Variants in UNC5D observed in about 807,000 individuals in gnomAD.
The protein encoded by UNC5D is netrin receptor UNC5D.
UNC5D carries 39 observed loss-of-function variants against 105.4 expected under a neutral mutation model. The ratio of observed to expected loss-of-function variants is 0.37; its 90% CI spans 0.29 to 0.48. The LOEUF is 0.48. Among genes scored for constraint, UNC5D ranks in the 20% least tolerant of loss-of-function variants. UNC5D has a pLI of 0.98. For missense variants in UNC5D, 991 were observed against 1,202.4 expected (o/e 0.82, Z 2.60); for synonymous variants, 452 against 450.4 (o/e 1.00, Z -0.04).
chr8:35,513,359 G>A (rs1011778960), intron 1 of UNC5D, among the ~76,000 whole-genome samples: 62 of 151,718 alleles, frequency 4.1e-4, no homozygotes, highest in African/African-American at 1.4e-3. Flanking sequence ...ATCCCAAGTA[G>A]CTGGGATTAC....
intron 1 of UNC5D, among the ~76,000 whole-genome samples, chr8:35,455,810 G>A (rs1484374699): frequency 6.6e-6 from 1 of 151,966 alleles, no homozygotes; most frequent in Non-Finnish European, 1.5e-5. Context: ...AGTGAAAGGC[G>A]ACCATCAGAT....
intron 1 of UNC5D, among the ~76,000 whole-genome samples, chr8:35,396,028 C>T (rs1804075702): frequency 6.6e-6 from 1 of 152,108 alleles, no homozygotes; most frequent in African/African-American, 2.4e-5. Flanking sequence ...CATGGGAATA[C>T]CAATTTGTAG....
chr8:35,317,409 T>C (rs938509993), intron 1 of UNC5D, among the ~76,000 whole-genome samples: 11 of 152,158 alleles, frequency 7.2e-5, no homozygotes, highest in Non-Finnish European at 1.5e-4. Context: ...CTGGCCACAA[T>C]GGCTATTACG....
At chr8:35,269,399 A>G (rs1805114899) in intron 1 of UNC5D, among the ~76,000 whole-genome samples, 1 of 151,982 alleles carries the variant, frequency 6.6e-6, no homozygotes, top group Non-Finnish European at 1.5e-5. Flanking sequence ...TTGCTTACTC[A>G]TTCTTTGAGA....
intron 14 of UNC5D, among the ~76,000 whole-genome samples, chr8:35,764,356 C>T (rs1038541972): frequency 2.0e-5 from 3 of 152,006 alleles, no homozygotes; most frequent in Admixed American, 6.6e-5. Context: ...AGTTGGGGCA[C>T]GTGTGAGCAG....
intron 1 of UNC5D, among the ~76,000 whole-genome samples, chr8:35,433,092 G>T (rs994758442): frequency 6.6e-6 from 1 of 152,112 alleles, no homozygotes; most frequent in Non-Finnish European, 1.5e-5. Flanking sequence ...TCTGATGTTC[G>T]ATGTGAAAGC....
chr8:35,752,953 C>T (rs1303510709), intron 13 of UNC5D, among the ~76,000 whole-genome samples: 2 of 152,130 alleles, frequency 1.3e-5, no homozygotes, highest in Admixed American at 6.5e-5. Flanking sequence ...GAAGTCAGCC[C>T]TCATAACCAG....
intron 1 of UNC5D, among the ~76,000 whole-genome samples, chr8:35,545,523 A>G (rs1815594660): frequency 6.6e-6 from 1 of 152,094 alleles, no homozygotes; most frequent in South Asian, 2.1e-4. Flanking sequence ...GAGGGCAGCC[A>G]CCTACTGGGC....
chr8:35,417,579 C>T (rs1407748326), intron 1 of UNC5D, among the ~76,000 whole-genome samples: 1 of 151,942 alleles, frequency 6.6e-6, no homozygotes, highest in Non-Finnish European at 1.5e-5. Flanking sequence ...CAGTACAGCA[C>T]TCTGTTCTTA....
intron 1 of UNC5D, among the ~76,000 whole-genome samples, chr8:35,391,470 A>G (rs1239310911): frequency 6.6e-6 from 1 of 152,206 alleles, no homozygotes; most frequent in Non-Finnish European, 1.5e-5. Flanking sequence ...CTCTGTTTTT[A>G]TATTTCTTCT....
intron 1 of UNC5D, among the ~76,000 whole-genome samples, chr8:35,408,428 G>C (rs1804946658): frequency 6.6e-6 from 1 of 151,074 alleles, no homozygotes; most frequent in African/African-American, 2.4e-5. Flanking sequence ...GCAAAGAACA[G>C]AATGTAAAAA....
intron 1 of UNC5D, among the ~76,000 whole-genome samples, chr8:35,289,294 C>A (rs960993125): frequency 6.6e-6 from 1 of 152,112 alleles, no homozygotes; most frequent in Non-Finnish European, 1.5e-5. Flanking sequence ...GGAGTTAATT[C>A]ATCAAGCAGA....
intron 1 of UNC5D, among the ~76,000 whole-genome samples, chr8:35,512,788 G>A (rs1223931742): frequency 6.6e-6 from 1 of 151,348 alleles, no homozygotes; most frequent in Non-Finnish European, 1.5e-5. Context: ...ATACATTAAG[G>A]AGGTTTTGTT....
chr8:35,760,941 T>C (rs1183950165), intron 14 of UNC5D, among the ~76,000 whole-genome samples: 1 of 152,166 alleles, frequency 6.6e-6, no homozygotes, highest in Non-Finnish European at 1.5e-5. Flanking sequence ...GGCTGCATTT[T>C]TCTATTGACT....
In UNC5D at chr8:35,794,255, G is replaced by A. The variant is rs1803170067; in HGVS notation, c.*3692G>A. 1 of 152,068 alleles carries A rather than the reference G, an allele frequency of 6.6e-6. No homozygotes were observed. Among genetic ancestry groups the A allele is most frequent in the Non-Finnish European group, 1.5e-5 (1 of 68,032 alleles). 9.4% of individuals were successfully genotyped at this position (152,068 alleles called of 1,614,324 possible). On this transcript the variant is annotated 3_prime_UTR_variant, in exon 17 of 17. Transcript: ENST00000404895. The stretch of plus-strand genomic sequence containing the variant: ...GAGTGATATAGCTATCAGATGTATT[G>A]AAGGCAAAGTTCTCGCAGAGGTCTC...
At chr8:35,575,232 T>C (rs746065465) in intron 3 of UNC5D, among the ~76,000 whole-genome samples, 11 of 152,144 alleles carry the variant, frequency 7.2e-5, no homozygotes, top group Non-Finnish European at 1.3e-4. Context: ...TGCATTACCC[T>C]TTTTCTTGAC....
chr8:35,327,089 C>T (rs1042395768), intron 1 of UNC5D, among the ~76,000 whole-genome samples: 33 of 152,040 alleles, frequency 2.2e-4, no homozygotes, highest in Admixed American at 1.9e-3. Context: ...TGCAAAGCAC[C>T]GAGGGTACAT....
At chr8:35,436,872 A>T (rs1400696966) in intron 1 of UNC5D, among the ~76,000 whole-genome samples, 1 of 152,168 alleles carries the variant, frequency 6.6e-6, no homozygotes, top group African/African-American at 2.4e-5. Flanking sequence ...TGAAATATTT[A>T]GTACCAATTG....
At chr8:35,591,896 A>G (rs1051774517) in intron 3 of UNC5D, among the ~76,000 whole-genome samples, 8 of 152,206 alleles carry the variant, frequency 5.3e-5, no homozygotes, top group Non-Finnish European at 1.2e-4. Context: ...TTCGATGTCT[A>G]TACCAACTGG....
Sources: gnomAD v4.1 joint callset for allele counts (sites outside exome capture counted in the v4.1 genomes callset) on GRCh38, gnomAD v4.1.1 for gene constraint, MANE v1.5 for transcripts, NCBI Gene and HGNC (gene_info 2026-07-23, HGNC 2026-07-21) for gene names.